Variants in KIF26B observed in about 807,000 individuals in gnomAD.
KIF26B encodes kinesin family member 26B.
KIF26B carries 63 observed loss-of-function variants against 151.2 expected under a neutral mutation model. That is an observed-to-expected ratio of 0.42 (90% CI 0.34 to 0.51). The LOEUF (loss-of-function observed/expected upper bound fraction) is 0.51, where lower values mean the gene tolerates loss of function less well. Among genes scored for constraint, KIF26B ranks in the 20% least tolerant of loss-of-function variants. The pLI is 0.07. For missense variants in KIF26B, 2,813 were observed against 2,913.6 expected (o/e 0.97, Z 0.79); for synonymous variants, 1,357 against 1,262.1 (o/e 1.08, Z -1.59).
intron 2 of KIF26B, among the ~76,000 whole-genome samples, chr1:245,184,054 T>TTTATTTTTTTTTTTTTTTATTTTTTTTTA (rs1302638676): frequency 8.8e-6 from 1 of 113,200 alleles, no homozygotes; most frequent in Non-Finnish European, 1.9e-5. Context: ...GTTGTTGTTT[T>TTTATTTTTTTTTTTTTTTATTTTTTTTTA]TTTTTTTTTT....
At chr1:245,683,703 G>A (rs938023420) in intron 10 of KIF26B, among the ~76,000 whole-genome samples, 10 of 152,318 alleles carry the variant, frequency 6.6e-5, no homozygotes, top group Middle Eastern at 3.4e-3. Flanking sequence ...GCAAATATGC[G>A]AGTTAAGGGA....
intron 2 of KIF26B, among the ~76,000 whole-genome samples, chr1:245,250,014 A>C (rs1323762088): frequency 6.6e-6 from 1 of 152,222 alleles, no homozygotes; most frequent in Non-Finnish European, 1.5e-5. Flanking sequence ...ATTATGAAAC[A>C]TATTAAAAAA....
chr1:245,575,067 A>G (rs546574500), intron 5 of KIF26B, among the ~76,000 whole-genome samples: 17 of 150,524 alleles, frequency 1.1e-4, no homozygotes, highest in African/African-American at 3.2e-4. Context: ...GGGTTTCACC[A>G]TGTTAGCCAA....
chr1:245,179,497 G>A (rs568177256), intron 2 of KIF26B, among the ~76,000 whole-genome samples: 3 of 152,058 alleles, frequency 2.0e-5, no homozygotes, highest in East Asian at 1.9e-4. Flanking sequence ...GGTGGTGCGC[G>A]CCTGTAGTCC....
chr1:245,429,272 A>G (rs568632474), intron 4 of KIF26B, among the ~76,000 whole-genome samples: 7 of 152,336 alleles, frequency 4.6e-5, no homozygotes, highest in East Asian at 3.9e-4. Flanking sequence ...TCTGTCCTCA[A>G]TGAATTCTCA....
chr1:245,186,208 C>G (rs754055824), intron 2 of KIF26B, among the ~76,000 whole-genome samples: 1 of 148,404 alleles, frequency 6.7e-6, no homozygotes, highest in African/African-American at 2.5e-5. Flanking sequence ...CTCCCACGTG[C>G]GCTAATTTTC....
chr1:245,407,356 C>T (rs1376856575), intron 3 of KIF26B, among the ~76,000 whole-genome samples: 1 of 152,196 alleles, frequency 6.6e-6, no homozygotes, highest in Non-Finnish European at 1.5e-5. Context: ...TGTCGCATCT[C>T]ACACTCAAAC....
chr1:245,618,550 G>C (rs866755774), intron 9 of KIF26B, among the ~76,000 whole-genome samples: 3 of 148,970 alleles, frequency 2.0e-5, no homozygotes, highest in South Asian at 2.1e-4. Flanking sequence ...ACAGTGCTGG[G>C]GCTGTGTCTG....
intron 2 of KIF26B, among the ~76,000 whole-genome samples, chr1:245,326,251 A>T (rs1323251254): frequency 6.6e-6 from 1 of 152,132 alleles, no homozygotes; most frequent in Non-Finnish European, 1.5e-5. Context: ...CTTCCTTTTT[A>T]TTGTCACAAG....
chr1:245,619,292 G>A lies in KIF26B; in HGVS notation c.2098+7316G>A, dbSNP rs528165217. On this transcript the variant is annotated intron_variant, in intron 9 of 14. Transcript: ENST00000407071. ...GTGCCACAGTGCTGGGGCTGTGTCCGCTGCGTCAGTGCTCAGGTCTCCTTT... is the reference window on the plus strand; with the variant it reads ...GTGCCACAGTGCTGGGGCTGTGTCCACTGCGTCAGTGCTCAGGTCTCCTTT... Among the ~76,000 whole-genome samples, 20 of 152,240 alleles carry A rather than the reference G, an allele frequency of 1.3e-4. No individual in the cohort carries two copies. The East Asian group carries it at 2.1e-3, about 16-fold the overall frequency.
intron 2 of KIF26B, among the ~76,000 whole-genome samples, chr1:245,348,384 A>G (rs578244506): frequency 6.6e-6 from 1 of 152,290 alleles, no homozygotes; most frequent in Non-Finnish European, 1.5e-5. Flanking sequence ...TCAGGCTGAT[A>G]TAAAAAAACA....
rs765135055 is a variant in KIF26B at position 245,352,776 on chromosome 1, C to T, written c.466-14058C>T. ...AACTCCTGAGCCTGTCTTACTAGTA[C>T]GGGTTCCCCAACCCCACGACTAGAA... On this transcript the variant is annotated intron_variant, in intron 2 of 14. Coordinates refer to ENST00000407071, the MANE Select transcript of KIF26B (RefSeq NM_018012.4). The surrounding 1 kb of genome is among the most constrained non-coding windows in gnomAD (Gnocchi z 5.0). Among the ~76,000 whole-genome samples the T allele has an allele frequency of 9.2e-5, 14 of 152,042 alleles. No homozygotes were observed. Among genetic ancestry groups the T allele is most frequent in the African/African-American group, 7.2e-5 (3 of 41,384 alleles).
chr1:245,688,349 G>A lies in KIF26B; in HGVS notation c.5366G>A (p.Arg1789Lys), dbSNP rs930892646. The A allele has an allele frequency of 3.4e-5, 53 of 1,579,000 alleles. No individual in the cohort carries two copies. Among genetic ancestry groups the A allele is most frequent in the Non-Finnish European group, 4.4e-5 (52 of 1,171,108 alleles). The change falls in exon 12 of 15, where the codon AGG becomes AAG. Residue 1789 changes from arginine (R) to lysine (K), a missense_variant. Arg to Lys is a conservative substitution (Grantham distance 26, BLOSUM62 2). Around this residue, in one of 3 missense-constraint regions of KIF26B, gnomAD observed 2,060 missense variants for 2,088.6 expected, o/e 0.99. Coordinates refer to ENST00000407071, the MANE Select transcript of KIF26B (RefSeq NM_018012.4). ...HTPWSTQSLS[R>K]NRSSGLASKL... Reference sequence around the variant, plus strand: ...CCCTGGTCCACGCAGTCCCTCAGCAGGAACAGGAGCTCGGGCCTGGCCTCC... The same window carrying A: ...CCCTGGTCCACGCAGTCCCTCAGCAAGAACAGGAGCTCGGGCCTGGCCTCC...
chr1:245,465,009 C>T (rs1187679681), intron 4 of KIF26B, among the ~76,000 whole-genome samples: 4 of 141,124 alleles, frequency 2.8e-5, no homozygotes, highest in Admixed American at 7.0e-5. Context: ...GACTGAGTCT[C>T]ACTCTGTCGC....
At chr1:245,437,510 T>C (rs1010786670) in intron 4 of KIF26B, among the ~76,000 whole-genome samples, 2 of 152,202 alleles carry the variant, frequency 1.3e-5, no homozygotes, top group Non-Finnish European at 2.9e-5. Flanking sequence ...CTGCAGTGGA[T>C]TTATTACTTT....
chr1:245,474,205 TTC>T (rs747944120), intron 4 of KIF26B, among the ~76,000 whole-genome samples: 12,504 of 149,996 alleles, frequency 0.083, 666 homozygotes, highest in South Asian at 0.11. Context: ...GCCTCCCGGG[TTC>T]AAGTCATTCT....
intron 2 of KIF26B, among the ~76,000 whole-genome samples, chr1:245,265,575 T>G (rs1009152987): frequency 6.6e-6 from 1 of 151,170 alleles, no homozygotes; most frequent in Non-Finnish European, 1.5e-5. Context: ...TCATGAGTGG[T>G]GTAGAGAATG....
chr1:245,462,717 A>G (rs1304700282), intron 4 of KIF26B, among the ~76,000 whole-genome samples: 1 of 152,152 alleles, frequency 6.6e-6, no homozygotes, highest in African/African-American at 2.4e-5. Flanking sequence ...CCATTGAGGG[A>G]GATGAGGCAC....
At chr1:245,629,280 A>G (rs988903410) in intron 9 of KIF26B, among the ~76,000 whole-genome samples, 3 of 152,178 alleles carry the variant, frequency 2.0e-5, no homozygotes, top group South Asian at 2.1e-4. Context: ...AAGAGCCCAT[A>G]TAGCAAAGAC....
Sources: allele counts gnomAD v4.1 joint callset (sites outside exome capture counted in the v4.1 genomes callset), GRCh38; gene constraint gnomAD v4.1.1; regional missense constraint gnomAD v4.1.1; non-coding constraint Gnocchi (gnomAD v3.1); transcripts MANE v1.5; gene names NCBI Gene and HGNC (gene_info 2026-07-23, HGNC 2026-07-21).